Variants in SPRYD7 observed in about 807,000 individuals in gnomAD.
SPRYD7 encodes the protein SPRY domain-containing protein 7.
A neutral mutation model predicts 23.8 loss-of-function variants in SPRYD7; 14 were observed. The ratio of observed to expected loss-of-function variants is 0.59; its 90% CI spans 0.39 to 0.92. The LOEUF (loss-of-function observed/expected upper bound fraction) is 0.92. Ranked by LOEUF, SPRYD7 falls within the 40% of genes least tolerant of loss-of-function variation. The probability of loss-of-function intolerance (pLI) is 0.00; values close to 1 mark genes in which losing one functional copy is unlikely to be tolerated. For missense variants in SPRYD7, 194 were observed against 241.7 expected, an observed-to-expected ratio of 0.80 and a Z score of 1.31; for synonymous variants, 75 against 84.9, an observed-to-expected ratio of 0.88 and a Z score of 0.64.
intron 1 of SPRYD7, among the ~76,000 whole-genome samples, chr13:49,931,460 G>A (rs778222667): frequency 7.2e-5 from 11 of 152,088 alleles, no homozygotes; most frequent in East Asian, 1.9e-4. Flanking sequence ...GATTACAGGC[G>A]TGAAGCACCG....
intron 1 of SPRYD7, among the ~76,000 whole-genome samples, chr13:49,934,399 A>T (rs1451688027): frequency 1.3e-5 from 2 of 152,008 alleles, no homozygotes; most frequent in African/African-American, 4.8e-5. Context: ...TACTAAAAAT[A>T]CAAAAATTAG....
At chr13:49,921,282 T>C (rs1231254045) in intron 4 of SPRYD7, among the ~76,000 whole-genome samples, 196 bp downstream of exon 4, 1 of 152,124 alleles carries the variant, frequency 6.6e-6, no homozygotes, top group Admixed American at 6.6e-5. Context: ...AAGGATGTGT[T>C]TGCTTCCCCT....
intron 2 of SPRYD7, among the ~76,000 whole-genome samples, chr13:49,928,319 G>A (rs904795105): frequency 6.6e-5 from 10 of 152,216 alleles, no homozygotes; most frequent in African/African-American, 2.4e-4. Flanking sequence ...GCATGTGCCT[G>A]TAACCCCAGC....
At chr13:49,919,556 C>T (rs1489146849) in intron 4 of SPRYD7, among the ~76,000 whole-genome samples, 4 of 147,296 alleles carry the variant, frequency 2.7e-5, no homozygotes. Context: ...AAAAACAAAA[C>T]AATACAAAAA....
chr13:49,930,487 A>G (rs748782302), intron 2 of SPRYD7, among the ~76,000 whole-genome samples: 1 of 152,126 alleles, frequency 6.6e-6, no homozygotes, highest in African/African-American at 2.4e-5. Context: ...AGGCTGAGGC[A>G]AGAGAATTGC....
In SPRYD7 at chr13:49,936,278, C is replaced by G; in HGVS notation, c.-43G>C. The stretch of plus-strand genomic sequence containing the variant: ...CTCCGCCGCCGTCCCTAGACCGAGG[C>G]GACACTGCCCCCCGCCGCTCAGCTC... On this transcript the variant is annotated 5_prime_UTR_variant, in exon 1 of 5. Transcript: ENST00000361840. 7.0e-7 allele frequency: 1 copy of G among 1,421,304 alleles called. No homozygotes were observed. Among genetic ancestry groups the G allele is most frequent in the Non-Finnish European group, 9.6e-7 (1 of 1,039,270 alleles). The allele number at this position is 1,421,304 out of a possible 1,614,324, so 88.0% of individuals were successfully genotyped here.
chr13:49,935,256 A>G (rs946029092), intron 1 of SPRYD7, among the ~76,000 whole-genome samples: 1 of 152,234 alleles, frequency 6.6e-6, no homozygotes, highest in African/African-American at 2.4e-5. Flanking sequence ...TAAAAAATCA[A>G]AAGTGCAGAA....
chr13:49,936,057 A>T, intron 1 of SPRYD7, 73 bp downstream of exon 1: 3 of 965,584 alleles, frequency 3.1e-6, no homozygotes, highest in Admixed American at 3.1e-5. Context: ...GGACCCTCTG[A>T]CCCTGAAGGT....
In SPRYD7 at chr13:49,932,371, A is replaced by C. The variant is rs138405694; in HGVS notation, c.107-1237T>G. On this transcript the variant is annotated intron_variant, in intron 1 of 4. Coordinates refer to ENST00000361840, the MANE Select transcript of SPRYD7 (RefSeq NM_020456.4). ...GTAAACAAGGTTTTAACATTCTTAC[A>C]TGCACTTTATTCTCGTAGAAAATTT... is the stretch of plus-strand genomic sequence containing the variant. Among the ~76,000 whole-genome samples, 659 of 152,340 alleles carry C rather than the reference A, an allele frequency of 4.3e-3. 6 individuals are homozygous for C. Among genetic ancestry groups the C allele is most frequent in the African/African-American group, 0.015 (634 of 41,572 alleles).
chr13:49,928,270 C>T (rs1396811807), intron 2 of SPRYD7, among the ~76,000 whole-genome samples, 185 bp from the exon 3 acceptor site: 4 of 152,220 alleles, frequency 2.6e-5, no homozygotes, highest in Admixed American at 1.3e-4. Flanking sequence ...GCCCAAACCC[C>T]GTCTCTACAA....
At chr13:49,935,570 A>C (rs545637023) in intron 1 of SPRYD7, 11 of 152,370 alleles carry the variant, frequency 7.2e-5, no homozygotes, top group African/African-American at 2.6e-4. Flanking sequence ...CACAATGACT[A>C]AGGAGTCGGG....
chr13:49,921,975 G>GT (rs1395231305), intron 3 of SPRYD7, among the ~76,000 whole-genome samples: 1 of 152,016 alleles, frequency 6.6e-6, no homozygotes, highest in African/African-American at 2.4e-5. Flanking sequence ...AAACAATGAG[G>GT]TTTTTTTCAC....
intron 4 of SPRYD7, 42 bp from the exon 5 acceptor site, chr13:49,915,202 A>T (rs1366844961): frequency 1.1e-6 from 1 of 935,776 alleles, no homozygotes; most frequent in Non-Finnish European, 1.6e-6. Context: ...AGAAGCAAAT[A>T]CTTTAATTTC....
intron 1 of SPRYD7, 81 bp downstream of exon 1, chr13:49,936,049 A>G (rs930720010): frequency 1.4e-4 from 78 of 560,974 alleles, no homozygotes; most frequent in Middle Eastern, 1.3e-3. Context: ...CAGCGTGGGG[A>G]CCCTCTGACC....
chr13:49,931,184 T>C lies in SPRYD7; in HGVS notation c.107-50A>G, dbSNP rs772779174. The C allele has an allele frequency of 2.3e-6, 3 of 1,297,156 alleles. No individual in the cohort carries two copies. The Admixed American group carries it at 5.7e-5, about 25-fold the overall frequency. The allele number at this position is 1,297,156 out of a possible 1,614,324, so 80.4% of individuals were successfully genotyped here. A position where few individuals can be genotyped will look rare whatever the true frequency, so the allele number is the denominator to read the frequency against. On this transcript the variant is annotated intron_variant, in intron 1 of 4. Coordinates refer to ENST00000361840, the MANE Select transcript of SPRYD7 (RefSeq NM_020456.4). ...GTAAAGTTTTGTATTTTCTTTTCTTTTCTTTTCTTTTTTGAGACGGAGTCT... is the reference window on the plus strand; with the variant it reads ...GTAAAGTTTTGTATTTTCTTTTCTTCTCTTTTCTTTTTTGAGACGGAGTCT...
chr13:49,916,938 C>T (rs916571987), intron 4 of SPRYD7, among the ~76,000 whole-genome samples: 1 of 152,102 alleles, frequency 6.6e-6, no homozygotes, highest in African/African-American at 2.4e-5. Context: ...CTGGAGTTCA[C>T]TTGTGATTGC....
intron 3 of SPRYD7, among the ~76,000 whole-genome samples, chr13:49,926,003 CAT>C (rs1489919720): frequency 6.6e-6 from 1 of 152,320 alleles, no homozygotes; most frequent in Admixed American, 6.5e-5. Context: ...ATTCTAAACA[CAT>C]GAGAATGCTT....
At chr13:49,915,693 C>A (rs927980860) in intron 4 of SPRYD7, among the ~76,000 whole-genome samples, 3 of 152,064 alleles carry the variant, frequency 2.0e-5, no homozygotes, top group Non-Finnish European at 2.9e-5. Context: ...ATGTTTTTAC[C>A]GGTATTTACT....
intron 4 of SPRYD7, among the ~76,000 whole-genome samples, chr13:49,919,182 C>T (rs935932036): frequency 4.0e-5 from 6 of 151,520 alleles, no homozygotes; most frequent in Non-Finnish European, 7.4e-5. Context: ...TTTGGGAGGC[C>T]GAGGTGGGCA....
Sources: allele counts gnomAD v4.1 joint callset (sites outside exome capture counted in the v4.1 genomes callset), GRCh38; gene constraint gnomAD v4.1.1; transcripts MANE v1.5; gene names NCBI Gene and HGNC (gene_info 2026-07-23, HGNC 2026-07-21).